Variants in BBOF1 observed in about 807,000 individuals in gnomAD.
The protein encoded by BBOF1 is basal body-orientation factor 1.
Under a neutral mutation model 68.0 loss-of-function variants are expected in BBOF1, and 62 were observed. The observed-to-expected ratio is 0.91, with a 90% CI of 0.74 to 1.13. The LOEUF is 1.13. Among genes scored for constraint, BBOF1 ranks in the 50% most tolerant of loss-of-function variants. BBOF1 has a pLI of 0.00. For synonymous variants in BBOF1, 208 were observed against 198.8 expected, an observed-to-expected ratio of 1.05 and a Z score of -0.39; for missense variants, 534 against 600.1, an observed-to-expected ratio of 0.89 and a Z score of 1.15.
intron 3 of BBOF1, among the ~76,000 whole-genome samples, chr14:74,033,378 G>A (rs1410026174): frequency 1.3e-5 from 2 of 151,788 alleles, no homozygotes; most frequent in East Asian, 3.9e-4. Context: ...GACCAGCCTG[G>A]CCAACATCGT....
chr14:74,057,780 C>T (rs569593728), intron 11 of BBOF1: 26 of 1,083,704 alleles, frequency 2.4e-5, no homozygotes, highest in Admixed American at 1.9e-4. Flanking sequence ...ACTTTTTAGC[C>T]GCGATCACAT....
At chr14:74,058,448 G>GAAAAAAAAA (rs138897281) in intron 11 of BBOF1, 2 of 110,022 alleles carry the variant, frequency 1.8e-5, no homozygotes, top group Non-Finnish European at 4.0e-5. Flanking sequence ...TAGGAAAGCA[G>GAAAAAAAAA]AAAAAAAAAA....
intron 9 of BBOF1, among the ~76,000 whole-genome samples, chr14:74,077,647 C>T (rs2060626450): frequency 6.6e-6 from 1 of 152,188 alleles, no homozygotes. Flanking sequence ...TCACTCACTA[C>T]AGCACAAAGC....
At chr14:74,051,282 GGTGGCGGGGGTCT>G (rs2060062874) in intron 8 of BBOF1, among the ~76,000 whole-genome samples, 1 of 151,326 alleles carries the variant, frequency 6.6e-6, no homozygotes, top group African/African-American at 2.4e-5. Context: ...AGCTGGGCGT[GGTGGCGGGGGTCT>G]GTAGTCCCAG....
At chr14:74,067,711 G>C, downstream of BBOF1, 2 of 896,152 alleles carry the variant, frequency 2.2e-6, no homozygotes, top group Non-Finnish European at 3.6e-6. Flanking sequence ...ATAACTTGAG[G>C]TCAGGAGTTC....
intron 3 of BBOF1, among the ~76,000 whole-genome samples, chr14:74,030,933 T>TAGAGAG (rs563665358): frequency 4.1e-5 from 6 of 147,222 alleles, no homozygotes; most frequent in Middle Eastern, 3.6e-3. Flanking sequence ...TATATATATA[T>TAGAGAG]ATATATAGAG....
intron 9 of BBOF1, among the ~76,000 whole-genome samples, chr14:74,073,567 T>A (rs1002419864): frequency 9.9e-5 from 15 of 152,222 alleles, no homozygotes; most frequent in Admixed American, 9.8e-4. Context: ...TTAGCTATTA[T>A]GACTTTTTGG....
chr14:74,074,319 G>C (rs1370283101), intron 9 of BBOF1, among the ~76,000 whole-genome samples: 1 of 133,910 alleles, frequency 7.5e-6, no homozygotes, highest in Non-Finnish European at 1.6e-5. Flanking sequence ...ACGGAGTCTC[G>C]CTCTGTCATC....
chr14:74,053,431 A>G (rs562163032), intron 8 of BBOF1, among the ~76,000 whole-genome samples: 6 of 143,596 alleles, frequency 4.2e-5, no homozygotes, highest in African/African-American at 1.6e-4. Flanking sequence ...TTTTTTTGAG[A>G]CGGTCTCACT....
At chr14:74,075,428 G>A (rs776402754) in intron 9 of BBOF1, among the ~76,000 whole-genome samples, 30 of 152,010 alleles carry the variant, frequency 2.0e-4, no homozygotes, top group Non-Finnish European at 3.7e-4. Flanking sequence ...AAGCTGAGAC[G>A]GGTATATCAC....
intron 8 of BBOF1, chr14:74,054,789 C>A: frequency 6.0e-6 from 1 of 167,446 alleles, no homozygotes; most frequent in Non-Finnish European, 1.3e-5. Context: ...AGCGATTCTC[C>A]TGCCTCGGCC....
At chr14:74,043,249 A>G (rs115299237) in intron 5 of BBOF1, among the ~76,000 whole-genome samples, 2,405 of 152,062 alleles carry the variant, frequency 0.016, 61 homozygotes, top group African/African-American at 0.054. Context: ...TTATATATAT[A>G]TATTTTTTAA....
At chr14:74,072,807 T>C (rs1415006184) in intron 9 of BBOF1, among the ~76,000 whole-genome samples, 1 of 152,144 alleles carries the variant, frequency 6.6e-6, no homozygotes, top group Non-Finnish European at 1.5e-5. Flanking sequence ...TGTGTTTATT[T>C]TTTTTTTGAG....
intron 1 of BBOF1, among the ~76,000 whole-genome samples, chr14:74,020,847 C>T (rs529277871): frequency 1.3e-5 from 2 of 152,046 alleles, no homozygotes; most frequent in African/African-American, 2.4e-5. Flanking sequence ...CCTGGATGGT[C>T]GTAGTGAGAC....
chr14:74,075,146 A>G, intron 9 of BBOF1: 1 of 771,444 alleles, frequency 1.3e-6, no homozygotes, highest in South Asian at 1.5e-5. Flanking sequence ...CCATACAGTC[A>G]TTAAAGAGAA....
intron 4 of BBOF1, among the ~76,000 whole-genome samples, chr14:74,037,735 C>A (rs2141021008): frequency 6.6e-6 from 1 of 151,986 alleles, no homozygotes; most frequent in South Asian, 2.1e-4. Flanking sequence ...AGGCGGATGA[C>A]CTGAGGTCGG....
intron 10 of BBOF1, among the ~76,000 whole-genome samples, chr14:74,079,889 T>C (rs1240061228): frequency 6.6e-6 from 1 of 151,986 alleles, no homozygotes; most frequent in East Asian, 1.9e-4. Flanking sequence ...ATTTTAAAAA[T>C]TAGTTGGGCA....
Position 74,047,931 on chromosome 14 carries a change from C to T in BBOF1, c.649C>T (p.Gln217Ter), listed in dbSNP as rs1290803042. 5 of 1,599,054 alleles carry T rather than the reference C, an allele frequency of 3.1e-6. No homozygotes were observed. The East Asian group carries it at 1.1e-4, about 36-fold the overall frequency. The change falls in exon 7 of 12, where the codon CAA becomes TAA. Residue 217 changes from glutamine to a stop codon, truncating the protein, a stop_gained and splice_region_variant. Transcript: ENST00000394009. LOFTEE classifies it high-confidence loss of function. Reference protein sequence around the residue: ...AERAHHEAIVQLNDAGRNVFK... With the variant: ...AERAHHEAIV ...TTTGAGATCTTATATCTATTTCAGGCAATTGAACGATGCTGGAAGAAATGT... is the reference window on the plus strand; with the variant it reads ...TTTGAGATCTTATATCTATTTCAGGTAATTGAACGATGCTGGAAGAAATGT...
intron 11 of BBOF1, 109 bp downstream of exon 11, chr14:74,057,367 T>A: frequency 6.4e-7 from 1 of 1,568,716 alleles, no homozygotes; most frequent in Non-Finnish European, 8.6e-7. Context: ...ACTTCAGGGA[T>A]CAGTGGAATG....
Sources: allele counts gnomAD v4.1 joint callset (sites outside exome capture counted in the v4.1 genomes callset), GRCh38; gene constraint gnomAD v4.1.1; transcripts MANE v1.5; gene names NCBI Gene and HGNC (gene_info 2026-07-23, HGNC 2026-07-21).